LARGE1: variants seen among roughly 807,000 people sequenced by gnomAD.
LARGE1 encodes the protein LARGE xylosyl- and glucuronyltransferase 1, also known as xylosyl- and glucuronyltransferase LARGE1.
A neutral mutation model predicts 87.6 loss-of-function variants in LARGE1; 43 were observed. The observed-to-expected ratio is 0.49, with a 90% CI of 0.38 to 0.63. LARGE1 has a LOEUF of 0.63. Among genes scored for constraint, LARGE1 ranks in the 30% least tolerant of loss-of-function variants. The probability of loss-of-function intolerance (pLI) is 0.00; values close to 1 mark genes in which losing one functional copy is unlikely to be tolerated. For synonymous variants in LARGE1, 434 were observed against 394.6 expected, an observed-to-expected ratio of 1.10 and a Z score of -1.18; for missense variants, 802 against 1,000.2, an observed-to-expected ratio of 0.80 and a Z score of 2.67.
intron 7 of LARGE1, among the ~76,000 whole-genome samples, chr22:33,394,702 CGTGTGTGTGTGTGT>C (rs59338001): frequency 1.0e-3 from 145 of 142,422 alleles, no homozygotes; most frequent in Middle Eastern, 3.5e-3. Flanking sequence ...CTCCTGGGAG[CGTGTGTGTGTGTGT>C]GTGTGTGTGT....
rs557120175 is a variant in LARGE1, at chr22:33,230,004, CTTTTTTT to C, written c.1731-63179_1731-63173del. Among the ~76,000 whole-genome samples the C allele has an allele frequency of 2.5e-4, 20 of 81,162 alleles. No homozygotes were observed. In the South Asian group the frequency reaches 3.9e-3, roughly 16 times the overall value. 53.2% of individuals were successfully genotyped at this position (81,162 alleles called of 152,430 possible). On this transcript the variant is annotated intron_variant, in intron 11 of 11. Transcript: ENST00000608642. Reference sequence around the variant, plus strand: ...GACATTTTCAAACATTTTCAAAGTTCTTTTTTTTTTTTTTTTTTTTTTTTTTGAGACA... The same window carrying C: ...GACATTTTCAAACATTTTCAAAGTTCTTTTTTTTTTTTTTTTTTTGAGACA...
At chr22:33,251,562 G>A (rs1277815921) in intron 11 of LARGE1, among the ~76,000 whole-genome samples, 1 of 152,110 alleles carries the variant, frequency 6.6e-6, no homozygotes. Flanking sequence ...CTGAAGATGT[G>A]TTAAACTTAT....
intron 6 of LARGE1, among the ~76,000 whole-genome samples, chr22:33,439,113 C>T (rs1461534523): frequency 1.3e-5 from 2 of 151,376 alleles, no homozygotes; most frequent in Admixed American, 6.6e-5. Context: ...ACTTGGGAGG[C>T]TAAGGCATGA....
chr22:33,703,471 A>G (rs557282190), intron 2 of LARGE1, among the ~76,000 whole-genome samples: 1 of 152,360 alleles, frequency 6.6e-6, no homozygotes, highest in East Asian at 1.9e-4. Context: ...GTATCACGTT[A>G]CATAACAAAA....
At chr22:33,515,422 G>A (rs1393855458) in intron 6 of LARGE1, among the ~76,000 whole-genome samples, 2 of 152,168 alleles carry the variant, frequency 1.3e-5, no homozygotes, top group African/African-American at 4.8e-5. Context: ...CGGAGGGTCT[G>A]CTTGCTGTTT....
intron 9 of LARGE1, among the ~76,000 whole-genome samples, chr22:33,379,623 A>G (rs1262812644): frequency 6.6e-6 from 1 of 152,240 alleles, no homozygotes; most frequent in Non-Finnish European, 1.5e-5. Context: ...CTATGCAGCC[A>G]TAAAAAAGGA....
rs375114156 is a variant in LARGE1, at chr22:33,701,032, C to T, written c.107-50364G>A. Reference sequence around the variant, plus strand: ...GATTTCCTGGGATCTTGTTAAAATGCGGGCTCTGATTCATAATCTTGGGAT... The same window carrying T: ...GATTTCCTGGGATCTTGTTAAAATGTGGGCTCTGATTCATAATCTTGGGAT... On this transcript the variant is annotated intron_variant, in intron 2 of 14. Coordinates refer to ENST00000397394, the MANE Select transcript of LARGE1 (RefSeq NM_133642.5). Among the ~76,000 whole-genome samples, 19 of 152,068 alleles carry T rather than the reference C, an allele frequency of 1.2e-4. No homozygotes were observed. The South Asian group carries it at 2.5e-3, about 20-fold the overall frequency.
chr22:33,237,762 T>C (rs1330655301), intron 11 of LARGE1, among the ~76,000 whole-genome samples: 3 of 152,206 alleles, frequency 2.0e-5, no homozygotes, highest in African/African-American at 4.8e-5. Flanking sequence ...TAGTCTTTTG[T>C]TGGAAAGAGA....
At chr22:33,593,322 C>A (rs1275729904) in intron 5 of LARGE1, among the ~76,000 whole-genome samples, 1 of 152,154 alleles carries the variant, frequency 6.6e-6, no homozygotes, top group Non-Finnish European at 1.5e-5. Flanking sequence ...GGATTACAGG[C>A]GTGAGCCACT....
Position 33,706,165 on chromosome 22 carries a change from G to A in LARGE1, c.106+55206C>T, listed in dbSNP as rs780815822. Among the ~76,000 whole-genome samples, 90 of 152,172 alleles carry A rather than the reference G, an allele frequency of 5.9e-4. 2 individuals carry two copies. Among genetic ancestry groups the A allele is most frequent in the Non-Finnish European group, 2.4e-4 (16 of 68,036 alleles). ...CCCTGCAATGTGCTGGCTGTGTGTCGTTTGATCAGTGCTGAGTTTATTTCA... is the reference window on the plus strand; with the variant it reads ...CCCTGCAATGTGCTGGCTGTGTGTCATTTGATCAGTGCTGAGTTTATTTCA... On this transcript the variant is annotated intron_variant, in intron 2 of 14. Coordinates refer to ENST00000397394, the MANE Select transcript of LARGE1 (RefSeq NM_133642.5).
intron 2 of LARGE1, among the ~76,000 whole-genome samples, chr22:33,694,736 G>A (rs868201482): frequency 2.0e-5 from 3 of 152,092 alleles, no homozygotes; most frequent in Non-Finnish European, 2.9e-5. Context: ...AAGGGAGGGA[G>A]TAGGGAGAAT....
At chr22:33,515,082 C>A (rs1198540788) in intron 6 of LARGE1, among the ~76,000 whole-genome samples, 2 of 150,580 alleles carry the variant, frequency 1.3e-5, no homozygotes, top group African/African-American at 4.9e-5. Flanking sequence ...AACAGTAGAG[C>A]CAAGAATGAA....
chr22:33,095,786 T>C, the LARGE1 span, among the ~76,000 whole-genome samples: 119 of 152,304 alleles, frequency 7.8e-4, no homozygotes, highest in Admixed American at 1.3e-3. Context: ...CAACCATCGT[T>C]TCCTCCCCGT....
intron 2 of LARGE1, among the ~76,000 whole-genome samples, chr22:33,665,507 C>T (rs2081243503): frequency 6.6e-6 from 1 of 152,226 alleles, no homozygotes; most frequent in African/African-American, 2.4e-5. Context: ...GGCTCCCTTA[C>T]TGACCAGCCA....
intron 4 of LARGE1, among the ~76,000 whole-genome samples, chr22:33,620,248 T>C (rs1216411795): frequency 6.6e-6 from 1 of 152,238 alleles, no homozygotes. Context: ...AACAAGGCTG[T>C]AGAGTGTGAA....
chr22:33,131,013 G>A, the LARGE1 span, among the ~76,000 whole-genome samples: 1 of 117,814 alleles, frequency 8.5e-6, no homozygotes, highest in East Asian at 2.6e-4. Context: ...CAGCCTGGGC[G>A]ACAGAGCAAG....
intron 11 of LARGE1, among the ~76,000 whole-genome samples, chr22:33,168,843 G>A (rs1276740714): frequency 6.6e-6 from 1 of 152,142 alleles, no homozygotes; most frequent in Non-Finnish European, 1.5e-5. Flanking sequence ...TGTATAAGAA[G>A]AAGACTGTTT....
At chr22:33,342,943 T>G (rs1939325596) in intron 9 of LARGE1, among the ~76,000 whole-genome samples, 1 of 152,238 alleles carries the variant, frequency 6.6e-6, no homozygotes, top group Admixed American at 6.5e-5. Flanking sequence ...CATCAGGACA[T>G]AGAATACTCC....
intron 6 of LARGE1, among the ~76,000 whole-genome samples, chr22:33,500,408 G>C (rs1365633203): frequency 6.6e-6 from 1 of 152,106 alleles, no homozygotes; most frequent in African/African-American, 2.4e-5. Context: ...TTCAATTATA[G>C]GTACAAACAC....
Sources: allele counts gnomAD v4.1 joint callset (sites outside exome capture counted in the v4.1 genomes callset), GRCh38; gene constraint gnomAD v4.1.1; transcripts MANE v1.5; gene names NCBI Gene and HGNC (gene_info 2026-07-23, HGNC 2026-07-21).